CACNA1E: variants seen among roughly 807,000 people sequenced by gnomAD.
The protein encoded by CACNA1E is voltage-dependent R-type calcium channel subunit alpha-1E.
Under a neutral mutation model 259.2 loss-of-function variants are expected in CACNA1E, and 40 were observed. That is an observed-to-expected ratio of 0.15 (90% CI 0.12 to 0.20). The LOEUF is 0.20. Ranked by LOEUF, CACNA1E falls within the 10% of genes least tolerant of loss-of-function variation. The probability of loss-of-function intolerance (pLI) is 1.00; values close to 1 mark genes in which losing one functional copy is unlikely to be tolerated. For missense variants in CACNA1E, 1,874 were observed against 3,040.1 expected, an observed-to-expected ratio of 0.62 and a Z score of 9.02; for synonymous variants, 1,104 against 1,138.5, an observed-to-expected ratio of 0.97 and a Z score of 0.61.
chr1:181,448,501 T>A (rs1660941458), intron 2 of CACNA1E, among the ~76,000 whole-genome samples: 1 of 152,242 alleles, frequency 6.6e-6, no homozygotes, highest in Admixed American at 6.5e-5. Flanking sequence ...TCTCCTGGGA[T>A]CTCAACTAAA....
At chr1:181,365,381 A>G (rs919708875) in intron 1 of CACNA1E, among the ~76,000 whole-genome samples, 2 of 152,224 alleles carry the variant, frequency 1.3e-5, no homozygotes, top group Admixed American at 6.5e-5. Context: ...TACGTTGCCC[A>G]GGCTGGTCTT....
intron 2 of CACNA1E, among the ~76,000 whole-genome samples, chr1:181,473,903 G>A (rs866187628): frequency 1.3e-5 from 2 of 152,286 alleles, no homozygotes; most frequent in Middle Eastern, 6.8e-3. Flanking sequence ...TTCTCTTCCT[G>A]TAAAATGGGG....
chr1:181,619,424 C>G (rs938432977), intron 6 of CACNA1E, among the ~76,000 whole-genome samples: 1 of 152,054 alleles, frequency 6.6e-6, no homozygotes, highest in African/African-American at 2.4e-5. Flanking sequence ...AGCTTATCAA[C>G]TAGGGGAGCC....
chr1:181,799,841 T>C lies in CACNA1E; in HGVS notation c.*1007T>C, dbSNP rs934891645. On this transcript the variant is annotated 3_prime_UTR_variant, in exon 48 of 48. Transcript: ENST00000367573. ...TGTTTTCCAACCAGTGTGGAAGCAA[T>C]TAAATATGCGTAACAGTGCTACGGC... is the stretch of plus-strand genomic sequence containing the variant. 6 of 152,028 alleles carry C rather than the reference T, an allele frequency of 3.9e-5. No homozygotes were observed. Among genetic ancestry groups the C allele is most frequent in the Admixed American group, 1.3e-4 (2 of 15,260 alleles). 9.4% of individuals were successfully genotyped at this position (152,028 alleles called of 1,614,324 possible).
At chr1:181,662,163 A>G (rs1381101966) in intron 7 of CACNA1E, among the ~76,000 whole-genome samples, 1 of 152,194 alleles carries the variant, frequency 6.6e-6, no homozygotes, top group Non-Finnish European at 1.5e-5. Flanking sequence ...GAGCTTGCTG[A>G]GAGAATCTGC....
Position 181,662,303 on chromosome 1 carries a change from C to T in CACNA1E, c.1055+10862C>T, listed in dbSNP as rs1407595521. On this transcript the variant is annotated intron_variant, in intron 7 of 47. Coordinates refer to ENST00000367573, the MANE Select transcript of CACNA1E (RefSeq NM_001205293.3). ...CCTCCTTGTTACAGTGGAGGAAACT[C>T]GGCTGGAGAGTGAAATGACTTGCTC... Among the ~76,000 whole-genome samples, 6 of 152,270 alleles carry T rather than the reference C, an allele frequency of 3.9e-5. No homozygotes were observed. The South Asian group carries it at 1.0e-3, about 26-fold the overall frequency.
At chr1:181,685,179 ATTTT>A (rs35187833) in intron 7 of CACNA1E, among the ~76,000 whole-genome samples, 1 of 110,214 alleles carries the variant, frequency 9.1e-6, no homozygotes, top group Non-Finnish European at 1.8e-5. Flanking sequence ...CAAAGGAAAC[ATTTT>A]TTTTTTTTTT....
At chr1:181,499,593 T>C (rs958750982) in intron 1 of CACNA1E, among the ~76,000 whole-genome samples, 2 of 152,234 alleles carry the variant, frequency 1.3e-5, no homozygotes, top group Non-Finnish European at 2.9e-5. Flanking sequence ...GTTTCCATCA[T>C]TGTTATTTCA....
chr1:181,375,608 G>C (rs548359464), intron 1 of CACNA1E, among the ~76,000 whole-genome samples: 33 of 152,292 alleles, frequency 2.2e-4, no homozygotes, highest in South Asian at 8.3e-4. Flanking sequence ...ATTCACAACA[G>C]CTCTGTGAAG....
At chr1:181,417,445 A>C (rs975012734) in intron 2 of CACNA1E, among the ~76,000 whole-genome samples, 2 of 152,038 alleles carry the variant, frequency 1.3e-5, no homozygotes, top group African/African-American at 4.8e-5. Context: ...TTTCACCCTC[A>C]ACTTTGTTGT....
chr1:181,339,548 T>TA (rs1415555813), intron 1 of CACNA1E, among the ~76,000 whole-genome samples: 2 of 152,156 alleles, frequency 1.3e-5, no homozygotes, highest in Non-Finnish European at 2.9e-5. Flanking sequence ...GGTATGAGTT[T>TA]AAAATTTTGC....
upstream of CACNA1E, among the ~76,000 whole-genome samples, chr1:181,482,028 C>T (rs1290444303): frequency 6.6e-6 from 1 of 152,156 alleles, no homozygotes; most frequent in Non-Finnish European, 1.5e-5. Context: ...CGGGAGGCCG[C>T]CCCGTGAGGG....
At chr1:181,448,659 A>C (rs1660951639) in intron 2 of CACNA1E, among the ~76,000 whole-genome samples, 7 of 152,232 alleles carry the variant, frequency 4.6e-5, no homozygotes, top group Admixed American at 4.6e-4. Context: ...TATTACCACA[A>C]CCTGGGAAAA....
chr1:181,385,067 T>G (rs1439087115), intron 1 of CACNA1E, among the ~76,000 whole-genome samples: 1 of 152,146 alleles, frequency 6.6e-6, no homozygotes, highest in Non-Finnish European at 1.5e-5. Context: ...TCACTGTAAA[T>G]ACCCTCCCTT....
chr1:181,492,966 G>A (rs1387217590), intron 1 of CACNA1E, among the ~76,000 whole-genome samples: 1 of 152,150 alleles, frequency 6.6e-6, no homozygotes, highest in African/African-American at 2.4e-5. Context: ...ACCTGAGTAA[G>A]TGTCTAGATG....
chr1:181,779,885 C>T (rs534825456), intron 38 of CACNA1E, among the ~76,000 whole-genome samples: 11 of 151,098 alleles, frequency 7.3e-5, no homozygotes, highest in Non-Finnish European at 1.3e-4. Context: ...ATCAGAGGGA[C>T]CTCTCCTTTC....
chr1:181,385,265 G>A (rs542389908), intron 1 of CACNA1E, among the ~76,000 whole-genome samples: 103 of 152,342 alleles, frequency 6.8e-4, no homozygotes, highest in African/African-American at 2.5e-3. Flanking sequence ...GAGATAGCTA[G>A]CGAGTGCAAG....
At chr1:181,619,084 C>G (rs947723412) in intron 6 of CACNA1E, among the ~76,000 whole-genome samples, 1 of 152,024 alleles carries the variant, frequency 6.6e-6, no homozygotes, top group Non-Finnish European at 1.5e-5. Flanking sequence ...ACAAAACAAT[C>G]CAAATCCCTG....
At position 181,755,879 on chromosome 1, in the gene CACNA1E, G is replaced by A. The variant is rs1367006108; in HGVS notation, c.3990-77G>A. 2.8e-6 allele frequency: 4 copies of A among 1,420,372 alleles called. No homozygotes were observed. In the Admixed American group the frequency reaches 8.1e-5, roughly 29 times the overall value. The allele number at this position is 1,420,372 out of a possible 1,614,324, so 88.0% of individuals were successfully genotyped here. A position where few individuals can be genotyped will look rare whatever the true frequency, so the allele number is the denominator to read the frequency against. On this transcript the variant is annotated intron_variant, in intron 28 of 47. Coordinates refer to ENST00000367573, the MANE Select transcript of CACNA1E (RefSeq NM_001205293.3). The stretch of plus-strand genomic sequence containing the variant: ...TCATTATTACCCCCACATTATTGCG[G>A]CCTGTAGAATGTGCTGACTCTTCTG...
Sources: gnomAD v4.1 joint callset for allele counts (sites outside exome capture counted in the v4.1 genomes callset) on GRCh38, gnomAD v4.1.1 for gene constraint, MANE v1.5 for transcripts, NCBI Gene and HGNC (gene_info 2026-07-23, HGNC 2026-07-21) for gene names.